The following PTPN9 variants were observed in gnomAD, a reference collection of about 807,000 sequenced individuals.
PTPN9 encodes the protein protein tyrosine phosphatase non-receptor type 9.
In PTPN9, 26 loss-of-function variants were observed where a neutral mutation model predicts 69.8. The ratio of observed to expected loss-of-function variants is 0.37; its 90% CI spans 0.27 to 0.52. The LOEUF (loss-of-function observed/expected upper bound fraction) is 0.52. PTPN9 is among the 20% of genes least tolerant of loss of function. The pLI is 0.91. For synonymous variants in PTPN9, 274 were observed against 272.5 expected (o/e 1.01, Z -0.05); for missense variants, 549 against 740.3 (o/e 0.74, Z 3.00).
At chr15:75,565,623 AG>A (rs1334960517) in intron 1 of PTPN9, among the ~76,000 whole-genome samples, 3 of 152,332 alleles carry the variant, frequency 2.0e-5, no homozygotes, top group African/African-American at 7.2e-5. Flanking sequence ...AGGGAACCAG[AG>A]ATAAACAATG....
chr15:75,486,506 A>G (rs772828365), intron 8 of PTPN9, among the ~76,000 whole-genome samples: 1 of 152,016 alleles, frequency 6.6e-6, no homozygotes, highest in African/African-American at 2.4e-5. Flanking sequence ...GACTTCCCAG[A>G]CTCCACAATA....
chr15:75,481,280 A>G (rs1425551470), intron 8 of PTPN9, among the ~76,000 whole-genome samples: 10 of 80,886 alleles, frequency 1.2e-4, no homozygotes, highest in South Asian at 5.3e-4. Context: ...CCCGGCAGCC[A>G]CCCCATCTGG....
chr15:75,563,731 T>C (rs369881173), intron 1 of PTPN9, among the ~76,000 whole-genome samples: 23 of 152,296 alleles, frequency 1.5e-4, no homozygotes, highest in African/African-American at 5.5e-4. Flanking sequence ...CCTGTCCTCA[T>C]TGCACGTAAC....
intron 7 of PTPN9, among the ~76,000 whole-genome samples, chr15:75,504,639 T>G (rs1465121374): frequency 9.4e-6 from 1 of 106,324 alleles, no homozygotes; most frequent in African/African-American, 3.7e-5. Context: ...GGGAGGGAGG[T>G]GGGGGGGTCA....
At chr15:75,482,947 T>G (rs963598051) in intron 8 of PTPN9, among the ~76,000 whole-genome samples, 1 of 151,046 alleles carries the variant, frequency 6.6e-6, no homozygotes, top group African/African-American at 2.4e-5. Flanking sequence ...AGAGCGAGAC[T>G]CTGTCTCAAA....
rs1482257962 is a variant in PTPN9 at position 75,467,238 on chromosome 15, AAAATG to A, written c.*1526_*1530del. On this transcript the variant is annotated 3_prime_UTR_variant, in exon 13 of 13. Transcript: ENST00000618819. ...GACTCAGTCCATTGATATTAAATAC[AAAATG>A]AAATGATTGTAAAAAATAATAATAT... 2 of 152,686 alleles carry A rather than the reference AAAATG, an allele frequency of 1.3e-5. No homozygotes were observed. Among genetic ancestry groups the A allele is most frequent in the Non-Finnish European group, 2.9e-5 (2 of 68,050 alleles). 9.5% of individuals were successfully genotyped at this position (152,686 alleles called of 1,614,324 possible). A position where few individuals can be genotyped will look rare whatever the true frequency, so the allele number is the denominator to read the frequency against.
chr15:75,528,136 T>C (rs2074939373), intron 1 of PTPN9, among the ~76,000 whole-genome samples: 1 of 152,154 alleles, frequency 6.6e-6, no homozygotes, highest in Non-Finnish European at 1.5e-5. Context: ...ACCCCAAAAC[T>C]GGATACTAGT....
chr15:75,559,593 A>C (rs2075094576), intron 1 of PTPN9, among the ~76,000 whole-genome samples: 1 of 152,048 alleles, frequency 6.6e-6, no homozygotes, highest in Non-Finnish European at 1.5e-5. Context: ...AAGAGTCATC[A>C]ACCACTCCCT....
intron 1 of PTPN9, among the ~76,000 whole-genome samples, chr15:75,562,791 CAAAAAA>C (rs60164759): frequency 2.5e-5 from 2 of 80,054 alleles, no homozygotes; most frequent in African/African-American, 9.6e-5. Flanking sequence ...AGACTCGTTT[CAAAAAA>C]AAAAAAAAAA....
chr15:75,525,221 G>A (rs8036758), intron 2 of PTPN9, among the ~76,000 whole-genome samples: 50,829 of 149,928 alleles, frequency 0.34, 9,769 homozygotes, highest in African/African-American at 0.52. Context: ...TTTTAATTGA[G>A]ACCAAGTCTC....
chr15:75,527,873 AG>A (rs2074937805), intron 1 of PTPN9, among the ~76,000 whole-genome samples: 1 of 152,012 alleles, frequency 6.6e-6, no homozygotes, highest in African/African-American at 2.4e-5. Flanking sequence ...AAAGAAAGAA[AG>A]AAAAAAAAAG....
intron 1 of PTPN9, among the ~76,000 whole-genome samples, chr15:75,537,966 G>A (rs935204919): frequency 3.3e-5 from 5 of 151,522 alleles, no homozygotes; most frequent in African/African-American, 1.2e-4. Context: ...GGCTGAGGCA[G>A]GAGAATCACT....
chr15:75,554,471 G>A (rs549990891), intron 1 of PTPN9, among the ~76,000 whole-genome samples: 1 of 152,096 alleles, frequency 6.6e-6, no homozygotes, highest in African/African-American at 2.4e-5. Flanking sequence ...CAGAATTACA[G>A]GCGTGAGCCA....
chr15:75,525,431 C>T (rs909480767), intron 2 of PTPN9, among the ~76,000 whole-genome samples: 1 of 150,688 alleles, frequency 6.6e-6, no homozygotes, highest in Admixed American at 6.6e-5. Context: ...TGGGCTGAAG[C>T]GATCCACCCG....
intron 9 of PTPN9, among the ~76,000 whole-genome samples, chr15:75,475,658 G>C (rs1321530287): frequency 1.3e-5 from 2 of 151,906 alleles, no homozygotes; most frequent in Non-Finnish European, 2.9e-5. Context: ...TCTGCTTTCA[G>C]GAAAGCAGGG....
intron 1 of PTPN9, among the ~76,000 whole-genome samples, chr15:75,553,032 G>T (rs1210397885): frequency 6.6e-6 from 1 of 151,846 alleles, no homozygotes; most frequent in Non-Finnish European, 1.5e-5. Context: ...TAGAATCCAG[G>T]CAAGTTACTT....
At position 75,514,506 on chromosome 15, in the gene PTPN9, G is replaced by A. The variant is rs185029004; in HGVS notation, c.528+2753C>T. ...AGGCATGAGAACTGCTTGAACCCAG[G>A]AGGTGGAGGTTGCAGTGAGCCAAGA... On this transcript the variant is annotated intron_variant, in intron 5 of 12. Transcript: ENST00000618819. Among the ~76,000 whole-genome samples, 180 of 152,314 alleles carry A rather than the reference G, an allele frequency of 1.2e-3. 2 individuals are homozygous for A. Among genetic ancestry groups the A allele is most frequent in the Admixed American group, 0.011 (169 of 15,290 alleles).
At chr15:75,532,688 C>G (rs756152857) in intron 1 of PTPN9, among the ~76,000 whole-genome samples, 4 of 152,196 alleles carry the variant, frequency 2.6e-5, no homozygotes, top group Non-Finnish European at 5.9e-5. Context: ...GTACTATAAA[C>G]AGTGATGTGA....
chr15:75,470,935 T>G, intron 10 of PTPN9, 105 bp from the exon 11 acceptor site: 1 of 1,339,190 alleles, frequency 7.5e-7, no homozygotes, highest in Non-Finnish European at 1.0e-6. Flanking sequence ...TATCATCTCT[T>G]GCATTGCTTC....
Sources: allele counts gnomAD v4.1 joint callset (sites outside exome capture counted in the v4.1 genomes callset), GRCh38; gene constraint gnomAD v4.1.1; transcripts MANE v1.5; gene names NCBI Gene and HGNC (gene_info 2026-07-23, HGNC 2026-07-21).